ERC2: variants seen among roughly 807,000 people sequenced by gnomAD.
The protein encoded by ERC2 is ERC protein 2.
Under a neutral mutation model 114.8 loss-of-function variants are expected in ERC2, and 42 were observed. The observed-to-expected ratio is 0.37, with a 90% confidence interval of 0.29 to 0.47. The LOEUF is 0.47. Ranked by LOEUF, ERC2 falls within the 20% of genes least tolerant of loss-of-function variation. The pLI, the probability that ERC2 is intolerant of heterozygous loss-of-function variation, is 0.99. For missense variants in ERC2, 939 were observed against 1,150.7 expected (o/e 0.82, Z 2.66); for synonymous variants, 454 against 425.5 (o/e 1.07, Z -0.82).
At chr3:55,847,886 C>T (rs2061430608) in intron 14 of ERC2, among the ~76,000 whole-genome samples, 1 of 152,114 alleles carries the variant, frequency 6.6e-6, no homozygotes, top group Non-Finnish European at 1.5e-5. Flanking sequence ...GCAGCCTTGA[C>T]CTCCTGGGCT....
chr3:56,046,688 C>T (rs2075480681), intron 7 of ERC2, among the ~76,000 whole-genome samples: 1 of 152,180 alleles, frequency 6.6e-6, no homozygotes, highest in Non-Finnish European at 1.5e-5. Flanking sequence ...CTTTGCCTCT[C>T]AAGTTCCTGG....
intron 3 of ERC2, among the ~76,000 whole-genome samples, chr3:56,270,064 T>C (rs911066113): frequency 1.3e-5 from 1 of 78,864 alleles, no homozygotes; most frequent in East Asian, 2.4e-4. Flanking sequence ...ACCCAAACCA[T>C]TTAAGGAGGA....
At chr3:55,512,689 C>A (rs72868652) in intron 17 of ERC2, among the ~76,000 whole-genome samples, 2,180 of 152,306 alleles carry the variant, frequency 0.014, 51 homozygotes, top group African/African-American at 0.05. Flanking sequence ...TAGCAAAGAA[C>A]AGTCATTTAT....
chr3:55,882,568 T>C (rs959496449), intron 14 of ERC2, among the ~76,000 whole-genome samples: 26 of 152,212 alleles, frequency 1.7e-4, no homozygotes, highest in African/African-American at 5.8e-4. Context: ...TGTACAGACT[T>C]TTTTTCTTGC....
intron 3 of ERC2, among the ~76,000 whole-genome samples, chr3:56,259,887 G>T (rs979821069): frequency 2.0e-5 from 3 of 152,134 alleles, no homozygotes; most frequent in Non-Finnish European, 4.4e-5. Flanking sequence ...AGAGCTATGG[G>T]TTGGCTGATG....
intron 7 of ERC2, among the ~76,000 whole-genome samples, chr3:56,073,862 G>A (rs1243177297): frequency 6.6e-6 from 1 of 152,144 alleles, no homozygotes; most frequent in Non-Finnish European, 1.5e-5. Context: ...AACAATCTTA[G>A]AATGGTACAT....
intron 16 of ERC2, among the ~76,000 whole-genome samples, chr3:55,696,811 T>C (rs1314761962): frequency 6.6e-6 from 1 of 152,194 alleles, no homozygotes; most frequent in Non-Finnish European, 1.5e-5. Context: ...GCTCAGGAGA[T>C]ATAGCCATCT....
intron 3 of ERC2, among the ~76,000 whole-genome samples, chr3:56,204,210 A>C (rs1173574958): frequency 6.6e-6 from 1 of 152,150 alleles, no homozygotes; most frequent in Non-Finnish European, 1.5e-5. Flanking sequence ...GAAAATGCTA[A>C]CAATACAACT....
intron 2 of ERC2, among the ~76,000 whole-genome samples, chr3:56,418,180 C>G (rs1022893253): frequency 6.6e-6 from 1 of 151,718 alleles, no homozygotes; most frequent in Non-Finnish European, 1.5e-5. Flanking sequence ...TGCCTGTAGT[C>G]CTGGCTACTC....
intron 17 of ERC2, among the ~76,000 whole-genome samples, chr3:55,635,793 G>A (rs1424490302): frequency 6.6e-6 from 1 of 152,036 alleles, no homozygotes; most frequent in Non-Finnish European, 1.5e-5. Flanking sequence ...CCAAATAAGT[G>A]GCAACTTCAC....
At chr3:56,003,096 T>C (rs908514639) in intron 10 of ERC2, 17 of 1,289,330 alleles carry the variant, frequency 1.3e-5, no homozygotes, top group Non-Finnish European at 1.7e-5. Flanking sequence ...AGAAATGACT[T>C]ACTGGGTTGT....
At chr3:56,111,594 A>C (rs1337399920) in intron 6 of ERC2, among the ~76,000 whole-genome samples, 1 of 152,194 alleles carries the variant, frequency 6.6e-6, no homozygotes, top group Non-Finnish European at 1.5e-5. Flanking sequence ...GCACCCACAC[A>C]AGACAAAGCT....
chr3:56,092,032 T>C (rs1245771940), intron 6 of ERC2, among the ~76,000 whole-genome samples: 1 of 152,180 alleles, frequency 6.6e-6, no homozygotes, highest in Non-Finnish European at 1.5e-5. Flanking sequence ...GATTGTATAA[T>C]AAAGTGCTTC....
intron 1 of ERC2, among the ~76,000 whole-genome samples, chr3:56,448,787 G>T (rs1246310912): frequency 1.5e-4 from 23 of 152,072 alleles, no homozygotes; most frequent in Admixed American, 1.5e-3. Flanking sequence ...AAAAACAAGT[G>T]GTAGTTGGCC....
At chr3:56,263,376 C>A (rs933982576) in intron 3 of ERC2, among the ~76,000 whole-genome samples, 1 of 143,262 alleles carries the variant, frequency 7.0e-6, no homozygotes, top group African/African-American at 2.6e-5. Flanking sequence ...AAAAAAAAAG[C>A]CATGAGAATC....
At chr3:55,746,463 A>T (rs577187775) in intron 14 of ERC2, among the ~76,000 whole-genome samples, 2 of 152,156 alleles carry the variant, frequency 1.3e-5, no homozygotes, top group Admixed American at 1.3e-4. Flanking sequence ...CGAACTCCCG[A>T]CCTCAGGTGA....
intron 2 of ERC2, among the ~76,000 whole-genome samples, chr3:56,374,740 G>A (rs1235916085): frequency 3.3e-5 from 5 of 152,122 alleles, no homozygotes; most frequent in Non-Finnish European, 7.4e-5. Flanking sequence ...GGAAAGAAGA[G>A]TAAAAATCAA....
chr3:55,790,714 C>T (rs7637210), intron 14 of ERC2, among the ~76,000 whole-genome samples: 4,285 of 152,302 alleles, frequency 0.028, 209 homozygotes, highest in African/African-American at 0.097. Flanking sequence ...CATCCCCTAG[C>T]CAGACTGTGA....
chr3:55,763,133 G>C (rs1265939970), intron 14 of ERC2, among the ~76,000 whole-genome samples: 1 of 152,232 alleles, frequency 6.6e-6, no homozygotes. Context: ...TAGGCAGATA[G>C]GAAAGCACTG....
Sources: allele counts gnomAD v4.1 joint callset (sites outside exome capture counted in the v4.1 genomes callset), GRCh38; gene constraint gnomAD v4.1.1; transcripts MANE v1.5; gene names NCBI Gene and HGNC (gene_info 2026-07-23, HGNC 2026-07-21).